The following BCL11B variants were observed in gnomAD, a reference collection of about 807,000 sequenced individuals.
BCL11B encodes the protein BCL11 transcription factor B.
In BCL11B, 8 loss-of-function variants were observed where a neutral mutation model predicts 49.9. The ratio of observed to expected loss-of-function variants is 0.16; its 90% CI spans 0.09 to 0.29. The LOEUF (loss-of-function observed/expected upper bound fraction) is 0.29. Among genes scored for constraint, BCL11B ranks in the 10% least tolerant of loss-of-function variants. The pLI, the probability that BCL11B is intolerant of heterozygous loss-of-function variation, is 1.00. For synonymous variants in BCL11B, 739 were observed against 637.4 expected, an observed-to-expected ratio of 1.16 and a Z score of -2.40; for missense variants, 1,006 against 1,351.0, an observed-to-expected ratio of 0.74 and a Z score of 4.00.
chr14:99,255,402 C>A (rs1889128021), intron 2 of BCL11B, among the ~76,000 whole-genome samples: 1 of 93,770 alleles, frequency 1.1e-5, no homozygotes, highest in Non-Finnish European at 1.9e-5. Context: ...GTATCACAAC[C>A]TGGAAAAAAA....
At position 99,184,619 on chromosome 14, in the gene BCL11B, A is replaced by G. The variant is rs1376374515; in HGVS notation, c.641-8424T>C. On this transcript the variant is annotated intron_variant, in intron 3 of 3. Coordinates refer to ENST00000357195, the MANE Select transcript of BCL11B (RefSeq NM_138576.4). This position sits in a 1 kb window ranked among gnomAD's most constrained non-coding sequence, Gnocchi z 6.1. ...AGCGTGTGCTGGGGTCCAGACTCAC[A>G]ACTGGCTGCCCCTCACACAGGGATG... Among the ~76,000 whole-genome samples the G allele has an allele frequency of 1.3e-5, 2 of 152,136 alleles. No individual in the cohort carries two copies. Among genetic ancestry groups the G allele is most frequent in the Admixed American group, 6.5e-5 (1 of 15,282 alleles).
intron 3 of BCL11B, among the ~76,000 whole-genome samples, chr14:99,186,963 C>T (rs1034864219): frequency 1.3e-5 from 2 of 152,162 alleles, no homozygotes; most frequent in Non-Finnish European, 2.9e-5. Context: ...AGGAGTTAAA[C>T]GATTCCAGCA....
rs1055938859 is a variant in BCL11B, at chr14:99,241,534, C to T, written c.428-9977G>A. On this transcript the variant is annotated intron_variant, in intron 2 of 3. Coordinates refer to ENST00000357195, the MANE Select transcript of BCL11B (RefSeq NM_138576.4). This position sits in a 1 kb window ranked among gnomAD's most constrained non-coding sequence, Gnocchi z 4.4. ...ATGGCAGAAAAATTAAGTCTTGGGGCTGAGACGAAGGGAACCTGACTCAGC... is the reference window on the plus strand; with the variant it reads ...ATGGCAGAAAAATTAAGTCTTGGGGTTGAGACGAAGGGAACCTGACTCAGC... Among the ~76,000 whole-genome samples the T allele has an allele frequency of 6.6e-5, 10 of 152,104 alleles. No homozygotes were observed. Among genetic ancestry groups the T allele is most frequent in the Admixed American group, 3.9e-4 (6 of 15,274 alleles).
At chr14:99,188,502 G>A (rs1014442618) in intron 3 of BCL11B, among the ~76,000 whole-genome samples, 2 of 138,190 alleles carry the variant, frequency 1.4e-5, no homozygotes, top group Non-Finnish European at 3.1e-5. Flanking sequence ...TGTTTCCTTC[G>A]ATATGCAGAA....
chr14:99,269,661 T>C (rs942478426), intron 1 of BCL11B, among the ~76,000 whole-genome samples: 6 of 151,034 alleles, frequency 4.0e-5, no homozygotes, highest in Non-Finnish European at 7.4e-5. Flanking sequence ...ACTTTATATA[T>C]TTATTTATTT....
chr14:99,252,134 G>A (rs1889026193), intron 2 of BCL11B, among the ~76,000 whole-genome samples: 1 of 152,116 alleles, frequency 6.6e-6, no homozygotes, highest in South Asian at 2.1e-4. Context: ...ACCCCAGCCT[G>A]AGCCCAGGGC....
intron 2 of BCL11B, among the ~76,000 whole-genome samples, chr14:99,236,539 C>G (rs1197030109): frequency 6.6e-6 from 1 of 152,178 alleles, no homozygotes; most frequent in Non-Finnish European, 1.5e-5. Context: ...TGGGTAGGCA[C>G]AGGCATGAAC....
intron 2 of BCL11B, among the ~76,000 whole-genome samples, chr14:99,254,964 A>C (rs1889115605): frequency 6.6e-6 from 1 of 152,204 alleles, no homozygotes; most frequent in Non-Finnish European, 1.5e-5. Context: ...TGTCTACAAA[A>C]ATGCAACTAC....
intron 2 of BCL11B, among the ~76,000 whole-genome samples, chr14:99,235,159 A>C (rs997518295): frequency 6.6e-6 from 1 of 152,254 alleles, no homozygotes; most frequent in African/African-American, 2.4e-5. Flanking sequence ...CCACCCCTGA[A>C]GCCTCTGGGG....
intron 2 of BCL11B, among the ~76,000 whole-genome samples, chr14:99,249,991 C>T (rs374085943): frequency 6.7e-5 from 10 of 150,126 alleles, no homozygotes; most frequent in East Asian, 5.9e-4. Flanking sequence ...GCCAGGCAGG[C>T]GCCTGTAATC....
At chr14:99,240,984 GA>G (rs1194206948) in intron 2 of BCL11B, among the ~76,000 whole-genome samples, 4 of 152,048 alleles carry the variant, frequency 2.6e-5, no homozygotes, top group African/African-American at 9.7e-5. Flanking sequence ...GAAATTGGGG[GA>G]AATCATAGCA....
At position 99,231,027 on chromosome 14, in the gene BCL11B, A is replaced by G. The variant is rs973593746; in HGVS notation, c.640+318T>C. 2.6e-5 allele frequency among the ~76,000 whole-genome samples: 4 copies of G among 152,178 alleles called. No individual in the cohort carries two copies. The highest frequency in any genetic ancestry group is 5.9e-5 in the Non-Finnish European group (4 of 68,032). On this transcript the variant is annotated intron_variant, in intron 3 of 3. Transcript: ENST00000357195. The surrounding 1 kb of genome is among the most constrained non-coding windows in gnomAD (Gnocchi z 8.1). ...GGGGTGGCAGTGGCAAGGGCCGAAG[A>G]AAACCTCAGATGTTAAGTGTTATCC...
At chr14:99,188,221 G>A (rs767394679) in intron 3 of BCL11B, among the ~76,000 whole-genome samples, 10 of 152,222 alleles carry the variant, frequency 6.6e-5, no homozygotes, top group Admixed American at 1.3e-4. Context: ...CTAGCCCAGG[G>A]TTTGTGGAGA....
chr14:99,180,950 T>C (rs950685853), intron 3 of BCL11B, among the ~76,000 whole-genome samples: 1 of 152,196 alleles, frequency 6.6e-6, no homozygotes, highest in Non-Finnish European at 1.5e-5. Context: ...CCCTCTGCCA[T>C]TAGGCTTTTT....
intron 2 of BCL11B, among the ~76,000 whole-genome samples, chr14:99,234,062 G>A (rs1481242156): frequency 2.6e-5 from 4 of 152,156 alleles, no homozygotes; most frequent in African/African-American, 7.2e-5. Flanking sequence ...GTGATGAAAG[G>A]AGCCACCTAC....
rs1177246629 is a variant in BCL11B at position 99,179,505 on chromosome 14, T to A, written c.641-3310A>T. Among the ~76,000 whole-genome samples the A allele has an allele frequency of 2.6e-4, 31 of 121,164 alleles. 2 individuals are homozygous for A. The highest frequency in any genetic ancestry group is 3.7e-4 in the Non-Finnish European group (21 of 56,638). 79.5% of individuals were successfully genotyped at this position (121,164 alleles called of 152,430 possible). On this transcript the variant is annotated intron_variant, in intron 3 of 3. Coordinates refer to ENST00000357195, the MANE Select transcript of BCL11B (RefSeq NM_138576.4). ...AAAAAAAAAAAAAAAAAAAAGCTTCTAAAACTAACTTGGAGCAACATAGGG... is the reference window on the plus strand; with the variant it reads ...AAAAAAAAAAAAAAAAAAAAGCTTCAAAAACTAACTTGGAGCAACATAGGG...
At position 99,172,642 on chromosome 14, in the gene BCL11B, C is replaced by T. The variant is rs1179211271; in HGVS notation, c.*1509G>A. The T allele has an allele frequency of 4.7e-6, 1 of 214,332 alleles. No homozygotes were observed. Among genetic ancestry groups the T allele is most frequent in the African/African-American group, 2.3e-5 (1 of 44,220 alleles). 13.3% of individuals were successfully genotyped at this position (214,332 alleles called of 1,614,324 possible). Reference sequence around the variant, plus strand: ...TATAGTGCCAGTATTGTGAATGCCACGCTTAGCAATACTGACACTCAATCT... The same window carrying T: ...TATAGTGCCAGTATTGTGAATGCCATGCTTAGCAATACTGACACTCAATCT... On this transcript the variant is annotated 3_prime_UTR_variant, in exon 4 of 4. Coordinates refer to ENST00000357195, the MANE Select transcript of BCL11B (RefSeq NM_138576.4).
At position 99,174,388 on chromosome 14, in the gene BCL11B, C is replaced by G. The variant is rs752034627; in HGVS notation, c.2448G>C (p.Arg816=). The change falls in exon 4 of 4, where the codon CGG becomes CGC. Residue 816 remains arginine, a synonymous_variant. Transcript: ENST00000357195. ...KNCSNLTVHR[R]SHTGERPYKC... ...TGTAAGGCCGCTCGCCGGTGTGGCTCCGCCGGTGCACCGTCAAGTTGCTGC... is the reference window on the plus strand; with the variant it reads ...TGTAAGGCCGCTCGCCGGTGTGGCTGCGCCGGTGCACCGTCAAGTTGCTGC... 1 of 1,613,434 alleles carries G rather than the reference C, an allele frequency of 6.2e-7. No individual in the cohort carries two copies. Among genetic ancestry groups the G allele is most frequent in the Non-Finnish European group, 8.5e-7 (1 of 1,179,898 alleles).
intron 3 of BCL11B, among the ~76,000 whole-genome samples, chr14:99,198,422 C>T (rs1887240602): frequency 6.6e-6 from 1 of 152,120 alleles, no homozygotes; most frequent in African/African-American, 2.4e-5. Flanking sequence ...TTGATTTGTG[C>T]TTGACATTTT....
Sources: allele counts gnomAD v4.1 joint callset (sites outside exome capture counted in the v4.1 genomes callset), GRCh38; gene constraint gnomAD v4.1.1; non-coding constraint Gnocchi (gnomAD v3.1); transcripts MANE v1.5; gene names NCBI Gene and HGNC (gene_info 2026-07-23, HGNC 2026-07-21).